BTRC: variants seen among roughly 807,000 people sequenced by gnomAD.
BTRC encodes beta-transducin repeat containing E3 ubiquitin protein ligase.
BTRC carries 42 observed loss-of-function variants against 85.5 expected under a neutral mutation model. That is an observed-to-expected ratio of 0.49 (90% CI 0.38 to 0.64). The LOEUF is 0.64. Among genes scored for constraint, BTRC ranks in the 30% least tolerant of loss-of-function variants. BTRC has a pLI of 0.00. For missense variants in BTRC, 594 were observed against 743.5 expected, an observed-to-expected ratio of 0.80 and a Z score of 2.34; for synonymous variants, 255 against 263.3, an observed-to-expected ratio of 0.97 and a Z score of 0.30.
At position 101,540,270 on chromosome 10, in the gene BTRC, C is replaced by T. The variant is rs560545307; in HGVS notation, c.1656+1899C>T. ...TATAATTTTCAGTTTGTATTTTGGT[C>T]TATGATCCATTTTGAGTTAATCTTT... On this transcript the variant is annotated intron_variant, in intron 13 of 14. Coordinates refer to ENST00000370187, the MANE Select transcript of BTRC (RefSeq NM_033637.4). Among the ~76,000 whole-genome samples, 11 of 152,256 alleles carry T rather than the reference C, an allele frequency of 7.2e-5. No individual in the cohort carries two copies. In the East Asian group the frequency reaches 2.1e-3, roughly 29 times the overall value.
At chr10:101,427,902 G>T (rs11191008) in intron 1 of BTRC, among the ~76,000 whole-genome samples, 1 of 152,098 alleles carries the variant, frequency 6.6e-6, no homozygotes, top group South Asian at 2.1e-4. Context: ...TTAGCCTTAA[G>T]AAAATTTTAG....
At position 101,553,398 on chromosome 10, in the gene BTRC, C is replaced by G. The variant is rs995485836; in HGVS notation, c.*275C>G. On this transcript the variant is annotated 3_prime_UTR_variant, in exon 15 of 15. Coordinates refer to ENST00000370187, the MANE Select transcript of BTRC (RefSeq NM_033637.4). ...AATGATTGGAACTTTTAAACCTCCCCTCCTCTCCTCCTTTCACCTCTGCAC... is the reference window on the plus strand; with the variant it reads ...AATGATTGGAACTTTTAAACCTCCCGTCCTCTCCTCCTTTCACCTCTGCAC... The G allele has an allele frequency of 4.6e-5, 7 of 152,672 alleles. No individual in the cohort carries two copies. Among genetic ancestry groups the G allele is most frequent in the African/African-American group, 1.7e-4 (7 of 41,430 alleles). The allele number at this position is 152,672 out of a possible 1,614,324, so 9.5% of individuals were successfully genotyped here. A position where few individuals can be genotyped will look rare whatever the true frequency, so the allele number is the denominator to read the frequency against.
At chr10:101,490,364 T>C (rs1946098318) in intron 4 of BTRC, among the ~76,000 whole-genome samples, 1 of 152,200 alleles carries the variant, frequency 6.6e-6, no homozygotes, top group South Asian at 2.1e-4. Context: ...GTTCAGGCAC[T>C]ATATAGTGCT....
intron 4 of BTRC, among the ~76,000 whole-genome samples, chr10:101,507,613 A>G (rs532904781): frequency 2.8e-4 from 42 of 152,328 alleles, no homozygotes; most frequent in African/African-American, 9.6e-4. Flanking sequence ...TTACATAAGC[A>G]CTGGGAAAAT....
chr10:101,466,509 CT>C (rs1396254722), intron 3 of BTRC, among the ~76,000 whole-genome samples: 25 of 152,142 alleles, frequency 1.6e-4, no homozygotes, highest in Admixed American at 7.9e-4. Context: ...CCCCATGCAC[CT>C]CTATAGATGG....
At chr10:101,409,361 A>G (rs187874991) in intron 1 of BTRC, among the ~76,000 whole-genome samples, 4 of 152,258 alleles carry the variant, frequency 2.6e-5, no homozygotes, top group Admixed American at 1.3e-4. Context: ...TTCACTTACC[A>G]TATTTTTGAG....
At chr10:101,490,787 G>T (rs1339769397) in intron 4 of BTRC, among the ~76,000 whole-genome samples, 2 of 152,150 alleles carry the variant, frequency 1.3e-5, no homozygotes, top group African/African-American at 4.8e-5. Flanking sequence ...GGCTGGGTGT[G>T]GTGCCTCACA....
chr10:101,372,075 C>T (rs950818037), intron 1 of BTRC, among the ~76,000 whole-genome samples: 1 of 151,710 alleles, frequency 6.6e-6, no homozygotes, highest in Non-Finnish European at 1.5e-5. Flanking sequence ...TGTATGTAGG[C>T]CTGCTTTTGG....
chr10:101,422,773 A>G (rs945747335), intron 1 of BTRC, among the ~76,000 whole-genome samples: 2 of 152,082 alleles, frequency 1.3e-5, no homozygotes, highest in African/African-American at 4.8e-5. Flanking sequence ...AAGATCAGAT[A>G]GTTGTAGATG....
At chr10:101,429,495 C>T (rs1392234624) in intron 1 of BTRC, among the ~76,000 whole-genome samples, 1 of 104,980 alleles carries the variant, frequency 9.5e-6, no homozygotes, top group Non-Finnish European at 2.3e-5. Flanking sequence ...TCTTCCTCTT[C>T]CTCTCCCCTC....
chr10:101,510,519 C>T (rs201696501), intron 4 of BTRC, among the ~76,000 whole-genome samples: 1 of 141,124 alleles, frequency 7.1e-6, no homozygotes, highest in African/African-American at 2.6e-5. Flanking sequence ...TAAAAAAAAA[C>T]AAAAAAAAAA....
intron 5 of BTRC, among the ~76,000 whole-genome samples, chr10:101,523,258 C>T (rs1418225315): frequency 1.3e-5 from 2 of 151,888 alleles, no homozygotes; most frequent in African/African-American, 2.4e-5. Flanking sequence ...GACTAAGAAA[C>T]GTTTTTAGTT....
intron 2 of BTRC, among the ~76,000 whole-genome samples, chr10:101,433,967 T>C (rs927830439): frequency 6.6e-6 from 1 of 152,086 alleles, no homozygotes; most frequent in Non-Finnish European, 1.5e-5. Context: ...GAAAAAAAAA[T>C]TAAATATTCT....
rs753639521 is a variant in BTRC at position 101,404,002 on chromosome 10, GTA to G, written c.49-26315_49-26314del. On this transcript the variant is annotated intron_variant, in intron 1 of 14. Coordinates refer to ENST00000370187, the MANE Select transcript of BTRC (RefSeq NM_033637.4). ...CCTATCTATGTGTATGTGTGTGTGTGTATATATATATATATATATATATATAT... is the reference window on the plus strand; with the variant it reads ...CCTATCTATGTGTATGTGTGTGTGTGTATATATATATATATATATATATAT... Among the ~76,000 whole-genome samples the G allele has an allele frequency of 5.3e-3, 328 of 61,704 alleles. 11 individuals carry two copies. Among genetic ancestry groups the G allele is most frequent in the African/African-American group, 0.011 (147 of 13,910 alleles). The allele number at this position is 61,704 out of a possible 152,430, so 40.5% of individuals were successfully genotyped here. A position where few individuals can be genotyped will look rare whatever the true frequency, so the allele number is the denominator to read the frequency against.
At chr10:101,469,399 T>A (rs1945463350) in intron 3 of BTRC, among the ~76,000 whole-genome samples, 1 of 152,188 alleles carries the variant, frequency 6.6e-6, no homozygotes, top group Non-Finnish European at 1.5e-5. Flanking sequence ...ATAGCCCTAC[T>A]CTGGAAACTC....
intron 1 of BTRC, among the ~76,000 whole-genome samples, chr10:101,407,367 G>A (rs1403382013): frequency 6.6e-6 from 1 of 152,032 alleles, no homozygotes; most frequent in African/African-American, 2.4e-5. Context: ...TGAAAAGAAA[G>A]TTGAAATTTT....
intron 1 of BTRC, among the ~76,000 whole-genome samples, chr10:101,382,665 A>G (rs1420641181): frequency 6.6e-6 from 1 of 152,196 alleles, no homozygotes; most frequent in African/African-American, 2.4e-5. Context: ...TATTCAGAGG[A>G]GCAAACTTGG....
chr10:101,456,909 T>A (rs1945097392), intron 2 of BTRC, among the ~76,000 whole-genome samples: 1 of 152,158 alleles, frequency 6.6e-6, no homozygotes, highest in South Asian at 2.1e-4. Context: ...GGTAACAAGT[T>A]GTGTAGAATC....
intron 1 of BTRC, among the ~76,000 whole-genome samples, chr10:101,374,259 C>T (rs902814305): frequency 7.2e-5 from 11 of 152,062 alleles, no homozygotes; most frequent in Non-Finnish European, 1.5e-4. Context: ...GCCATTCTGA[C>T]TGGTGTGAGA....
Sources: allele counts gnomAD v4.1 joint callset (sites outside exome capture counted in the v4.1 genomes callset), GRCh38; gene constraint gnomAD v4.1.1; transcripts MANE v1.5; gene names NCBI Gene and HGNC (gene_info 2026-07-23, HGNC 2026-07-21).